OR7C1: variants seen among roughly 807,000 people sequenced by gnomAD.
OR7C1 encodes the protein olfactory receptor family 7 subfamily C member 1.
For synonymous variants in OR7C1, 152 were observed against 160.7 expected (o/e 0.95, Z 0.41); for missense variants, 324 against 383.3 (o/e 0.85, Z 1.29).
intron 2 of OR7C1, among the ~76,000 whole-genome samples, chr19:14,804,656 AAACGAGTCGCAGGAT>A (rs1166229790): frequency 6.6e-6 from 1 of 151,900 alleles, no homozygotes; most frequent in South Asian, 2.1e-4. Context: ...CACAATACAT[AAACGAGTCGCAGGAT>A]AACGAGTCGC....
intron 1 of OR7C1, among the ~76,000 whole-genome samples, chr19:14,829,239 C>T (rs956152600): frequency 6.6e-6 from 1 of 152,224 alleles, no homozygotes; most frequent in Non-Finnish European, 1.5e-5. Flanking sequence ...GAGTCTCGCT[C>T]TGTTGCCGGG....
intron 2 of OR7C1, among the ~76,000 whole-genome samples, chr19:14,805,847 G>A (rs2044664063): frequency 6.6e-6 from 1 of 151,726 alleles, no homozygotes; most frequent in Non-Finnish European, 1.5e-5. Context: ...ACTTTGAGAG[G>A]GACCAGCTAT....
At chr19:14,826,980 A>G (rs2044773765) in intron 1 of OR7C1, 1 of 225,924 alleles carries the variant, frequency 4.4e-6, no homozygotes, top group East Asian at 9.5e-5. Context: ...AGTGTAGTCT[A>G]TGCCACAGGA....
In OR7C1 at chr19:14,803,837, G is replaced by A. The variant is rs559320010; in HGVS notation, c.-434-3073C>T. Among the ~76,000 whole-genome samples the A allele has an allele frequency of 3.3e-5, 5 of 151,984 alleles. No homozygotes were observed. In the East Asian group the frequency reaches 9.7e-4, roughly 29 times the overall value. On this transcript the variant is annotated intron_variant, in intron 2 of 4. Coordinates refer to ENST00000641666, the Ensembl canonical transcript of OR7C1. Reference sequence around the variant, plus strand: ...TGATTCTCCTGCCTCAGCCTCCTGAGTAGCTGGGACTACAGGCGCGTGCCA... The same window carrying A: ...TGATTCTCCTGCCTCAGCCTCCTGAATAGCTGGGACTACAGGCGCGTGCCA...
chr19:14,827,112 G>A, intron 1 of OR7C1: 1 of 573,300 alleles, frequency 1.7e-6, no homozygotes, highest in East Asian at 3.3e-5. Flanking sequence ...GGATATCAGA[G>A]AGCAGAAAGC....
chr19:14,821,094 T>C (rs1020715404), intron 1 of OR7C1, among the ~76,000 whole-genome samples: 1 of 151,968 alleles, frequency 6.6e-6, no homozygotes, highest in Non-Finnish European at 1.5e-5. Context: ...AAAAATTAGC[T>C]GGGTGTAGTG....
intron 2 of OR7C1, among the ~76,000 whole-genome samples, chr19:14,807,178 C>A (rs71334748): frequency 0.12 from 17,485 of 151,856 alleles, 1,210 homozygotes; most frequent in Non-Finnish European, 0.15. Flanking sequence ...GCATAAATGT[C>A]TCCTTTTGAG....
At chr19:14,816,807 A>C (rs1379511742) in intron 1 of OR7C1, among the ~76,000 whole-genome samples, 1 of 152,232 alleles carries the variant, frequency 6.6e-6, no homozygotes, top group Admixed American at 6.5e-5. Context: ...AGGAGGTTAG[A>C]TATCTGGAAG....
chr19:14,827,696 A>AT (rs1343943749), intron 1 of OR7C1: 2 of 1,614,194 alleles, frequency 1.2e-6, no homozygotes, highest in East Asian at 4.5e-5. Context: ...GGATGACCTG[A>AT]TTAAGTTCAC....
chr19:14,828,389 A>G (rs2044796409), intron 1 of OR7C1: 1 of 870,448 alleles, frequency 1.1e-6, no homozygotes, highest in South Asian at 1.9e-5. Flanking sequence ...TCTTTAAGGG[A>G]TCTCCATGTC....
chr19:14,804,825 A>G (rs2044658634), intron 2 of OR7C1, among the ~76,000 whole-genome samples: 1 of 151,924 alleles, frequency 6.6e-6, no homozygotes. Context: ...ATGGCACTCA[A>G]TTGCTTGCTT....
At chr19:14,826,827 A>C (rs1568253235) in intron 1 of OR7C1, 1 of 153,644 alleles carries the variant, frequency 6.5e-6, no homozygotes, top group Non-Finnish European at 1.4e-5. Context: ...CAGCTGCAAA[A>C]TACACAAGTA....
At chr19:14,827,570 G>A (rs1688142785) in intron 1 of OR7C1, 1 of 1,614,108 alleles carries the variant, frequency 6.2e-7, no homozygotes, top group Non-Finnish European at 8.5e-7. Flanking sequence ...TTGCATGTAT[G>A]GAAGAAATTA....
At chr19:14,826,911 C>CA (rs1241728782) in intron 1 of OR7C1, 1 of 163,298 alleles carries the variant, frequency 6.1e-6, no homozygotes, top group African/African-American at 2.4e-5. Context: ...CAAAAGTGAA[C>CA]AAATTGTGGT....
At chr19:14,828,288 GAC>G in intron 1 of OR7C1, 1 of 1,560,368 alleles carries the variant, frequency 6.4e-7, no homozygotes, top group Non-Finnish European at 8.7e-7. Flanking sequence ...AGGGAAACGA[GAC>G]AGGCATGCAT....
chr19:14,816,933 CT>C (rs1361363596), intron 1 of OR7C1, among the ~76,000 whole-genome samples: 2 of 152,126 alleles, frequency 1.3e-5, no homozygotes, highest in Admixed American at 1.3e-4. Flanking sequence ...AATTTCCTTA[CT>C]GTCCAGACAG....
chr19:14,819,412 C>T (rs1207254474), intron 1 of OR7C1, among the ~76,000 whole-genome samples: 3 of 151,980 alleles, frequency 2.0e-5, no homozygotes, highest in African/African-American at 7.3e-5. Flanking sequence ...TAAGTGGGAA[C>T]ATGTGGTATT....
rs767188018 is a variant in OR7C1 at position 14,799,521 on chromosome 19, G to A, written c.616C>T (p.Leu206=). The change falls in exon 5 of 5, where the codon CTG becomes TTG. Residue 206 remains leucine, a synonymous_variant. Transcript: ENST00000641666. ...ATTCCAGTGAAGGAAATCACACCCA[G>A]GACGCCAGTTGCAAAGTATATCACC... 3.1e-6 allele frequency: 5 copies of A among 1,614,158 alleles called. No individual in the cohort carries two copies. The South Asian group carries it at 5.5e-5, about 18-fold the overall frequency.
chr19:14,834,726 C>T (rs968819787), intron 1 of OR7C1, among the ~76,000 whole-genome samples: 2 of 152,152 alleles, frequency 1.3e-5, no homozygotes, highest in African/African-American at 4.8e-5. Flanking sequence ...CTGTATATCC[C>T]TCCACAGCCA....
Sources: gnomAD v4.1 joint callset for allele counts (sites outside exome capture counted in the v4.1 genomes callset) on GRCh38, gnomAD v4.1.1 for gene constraint, MANE v1.5 for transcripts, NCBI Gene and HGNC (gene_info 2026-07-23, HGNC 2026-07-21) for gene names.